SMIM21: variants seen among roughly 807,000 people sequenced by gnomAD.
SMIM21 encodes small integral membrane protein 21, also known as chromosome 18 open reading frame 62.
SMIM21 carries 8 observed loss-of-function variants against 8.6 expected under a neutral mutation model. The observed-to-expected ratio is 0.93, with a 90% CI of 0.55 to 1.68. The LOEUF is 1.68. Among genes scored for constraint, SMIM21 ranks in the 40% most tolerant of loss-of-function variants. The pLI, the probability that SMIM21 is intolerant of heterozygous loss-of-function variation, is 0.00. For missense variants in SMIM21, 132 were observed against 123.0 expected (o/e 1.07, Z -0.35); for synonymous variants, 43 against 41.7 (o/e 1.03, Z -0.12).
intron 2 of SMIM21, 125 bp downstream of exon 2, chr18:75,418,661 T>C: frequency 1.1e-6 from 1 of 942,510 alleles, no homozygotes; most frequent in Non-Finnish European, 1.6e-6. Flanking sequence ...TGCACTCTCC[T>C]AGGTGGCTAC....
chr18:75,415,173 C>T (rs997005210), intron 2 of SMIM21, among the ~76,000 whole-genome samples: 1 of 152,146 alleles, frequency 6.6e-6, no homozygotes, highest in Non-Finnish European at 1.5e-5. Flanking sequence ...ATTGGAGAAT[C>T]TGGGCATACT....
intron 1 of SMIM21, 90 bp from the exon 2 acceptor site, chr18:75,419,006 A>C (rs879212137): frequency 1.4e-6 from 1 of 723,118 alleles, no homozygotes; most frequent in Non-Finnish European, 2.2e-6. Flanking sequence ...TCAAACAATT[A>C]ATTTTGTTTA....
At chr18:75,412,742 T>C (rs1399448288) in intron 2 of SMIM21, among the ~76,000 whole-genome samples, 1 of 152,178 alleles carries the variant, frequency 6.6e-6, no homozygotes, top group East Asian at 1.9e-4. Context: ...GGCCAGGCTC[T>C]GAGTGCTGAG....
Position 75,410,820 on chromosome 18 carries a change from G to A in SMIM21, c.*44C>T, listed in dbSNP as rs1461226215. 2 of 1,611,532 alleles carry A rather than the reference G, an allele frequency of 1.2e-6. No homozygotes were observed. Among genetic ancestry groups the A allele is most frequent in the Non-Finnish European group, 8.5e-7 (1 of 1,179,206 alleles). On this transcript the variant is annotated 3_prime_UTR_variant, in exon 3 of 3. Transcript: ENST00000579022. ...TAATTTCTTTTCATCTTGAGCAGGGGAAATCCATGGTATGAAGGCCATGAG... is the reference window on the plus strand; with the variant it reads ...TAATTTCTTTTCATCTTGAGCAGGGAAAATCCATGGTATGAAGGCCATGAG...
At chr18:75,426,604 C>T (rs1012447225) in intron 1 of SMIM21, among the ~76,000 whole-genome samples, 9 of 132,514 alleles carry the variant, frequency 6.8e-5, no homozygotes, top group East Asian at 2.3e-4. Context: ...CCACTGCACC[C>T]GGCCCTAGAC....
chr18:75,427,385 G>A (rs1277155567), intron 1 of SMIM21, 50 bp downstream of exon 1: 9 of 1,590,528 alleles, frequency 5.7e-6, no homozygotes, highest in East Asian at 2.2e-5. Flanking sequence ...CCATACCTGT[G>A]CAGTGATACG....
At chr18:75,426,879 C>T (rs1205007559) in intron 1 of SMIM21, among the ~76,000 whole-genome samples, 1 of 152,108 alleles carries the variant, frequency 6.6e-6, no homozygotes. Context: ...TTTTCAGAAG[C>T]TATTGATCAC....
At chr18:75,415,905 G>A (rs1222756782) in intron 2 of SMIM21, 3 of 152,138 alleles carry the variant, frequency 2.0e-5, no homozygotes, top group Admixed American at 6.5e-5. Flanking sequence ...ATGAGAGGAT[G>A]GCATTCCATT....
chr18:75,424,522 T>C (rs1037805070), intron 1 of SMIM21, among the ~76,000 whole-genome samples: 3 of 152,200 alleles, frequency 2.0e-5, no homozygotes, highest in Admixed American at 6.5e-5. Flanking sequence ...CTTCCTTCAA[T>C]TGATAGGACT....
chr18:75,410,987 T>C (rs1280265329), intron 2 of SMIM21, 78 bp from the exon 3 acceptor site: 2 of 1,556,070 alleles, frequency 1.3e-6, no homozygotes, highest in African/African-American at 1.4e-5. Flanking sequence ...AAATTGACCA[T>C]TTGTTTTTAT....
At chr18:75,411,856 G>A (rs1315259955) in intron 2 of SMIM21, among the ~76,000 whole-genome samples, 4 of 152,126 alleles carry the variant, frequency 2.6e-5, no homozygotes, top group East Asian at 1.9e-4. Context: ...TAAATTCAAC[G>A]TTGGAAAATA....
chr18:75,412,091 C>A (rs1452331982), intron 2 of SMIM21, among the ~76,000 whole-genome samples: 1 of 152,206 alleles, frequency 6.6e-6, no homozygotes, highest in Non-Finnish European at 1.5e-5. Context: ...CCCAGAATAT[C>A]TAAACTTCCA....
chr18:75,422,945 T>C (rs536681891), intron 1 of SMIM21, among the ~76,000 whole-genome samples: 2 of 152,358 alleles, frequency 1.3e-5, no homozygotes, highest in African/African-American at 4.8e-5. Context: ...CTACATTTTA[T>C]AGTAAGTAAA....
intron 2 of SMIM21, chr18:75,416,981 C>T (rs753209489): frequency 1.3e-5 from 2 of 152,186 alleles, no homozygotes; most frequent in Non-Finnish European, 2.9e-5. Flanking sequence ...GAACACAGAG[C>T]TTCCTTTAGG....
At chr18:75,414,397 T>C (rs2024621192) in intron 2 of SMIM21, among the ~76,000 whole-genome samples, 2 of 152,186 alleles carry the variant, frequency 1.3e-5, no homozygotes, top group Admixed American at 6.5e-5. Context: ...AAATAACTCC[T>C]GCTCCATTGA....
intron 2 of SMIM21, among the ~76,000 whole-genome samples, chr18:75,415,463 G>A (rs1341729808): frequency 6.6e-6 from 1 of 152,198 alleles, no homozygotes; most frequent in Non-Finnish European, 1.5e-5. Context: ...GGATGACCCC[G>A]ACGTGTGACA....
intron 1 of SMIM21, among the ~76,000 whole-genome samples, chr18:75,426,800 A>G (rs1331428150): frequency 1.3e-5 from 2 of 152,158 alleles, no homozygotes; most frequent in Non-Finnish European, 2.9e-5. Flanking sequence ...GTGCTACAGG[A>G]GAAGACATTC....
At chr18:75,427,179 G>A (rs2024772962) in intron 1 of SMIM21, among the ~76,000 whole-genome samples, 1 of 152,144 alleles carries the variant, frequency 6.6e-6, no homozygotes, top group African/African-American at 2.4e-5. Flanking sequence ...CTGATGTAAT[G>A]TCAAGGGGAG....
At chr18:75,414,764 A>G (rs2024626413) in intron 2 of SMIM21, among the ~76,000 whole-genome samples, 1 of 152,116 alleles carries the variant, frequency 6.6e-6, no homozygotes, top group Non-Finnish European at 1.5e-5. Flanking sequence ...GGCAAACACA[A>G]ACCTGGTGGT....
Sources: allele counts gnomAD v4.1 joint callset (sites outside exome capture counted in the v4.1 genomes callset), GRCh38; gene constraint gnomAD v4.1.1; transcripts MANE v1.5; gene names NCBI Gene and HGNC (gene_info 2026-07-23, HGNC 2026-07-21).